The following PCDHGB1 variants were observed in gnomAD, a reference collection of about 807,000 sequenced individuals.
The protein encoded by PCDHGB1 is protocadherin gamma-B1.
Under a neutral mutation model 56.6 loss-of-function variants are expected in PCDHGB1, and 34 were observed. The ratio of observed to expected loss-of-function variants is 0.60; its 90% CI spans 0.46 to 0.80. The LOEUF is 0.80. PCDHGB1 is among the 30% of genes least tolerant of loss of function. The pLI, the probability that PCDHGB1 is intolerant of heterozygous loss-of-function variation, is 0.00. For missense variants in PCDHGB1, 1,278 were observed against 1,204.6 expected, an observed-to-expected ratio of 1.06 and a Z score of -0.90; for synonymous variants, 561 against 505.9, an observed-to-expected ratio of 1.11 and a Z score of -1.46.
intron 1 of PCDHGB1, among the ~76,000 whole-genome samples, chr5:141,464,049 G>C (rs1330340459): frequency 6.6e-6 from 1 of 152,124 alleles, no homozygotes; most frequent in Admixed American, 6.5e-5. Context: ...TGGATCACCT[G>C]AGGTCAGGAG....
intron 3 of PCDHGB1, among the ~76,000 whole-genome samples, chr5:141,506,682 C>A (rs1333272766): frequency 6.6e-6 from 1 of 152,192 alleles, no homozygotes; most frequent in East Asian, 1.9e-4. Context: ...ATATTATTAT[C>A]TTTGCTGACC....
intron 1 of PCDHGB1, chr5:141,360,518 A>T (rs764837535): frequency 3.1e-6 from 5 of 1,613,996 alleles, no homozygotes; most frequent in Non-Finnish European, 4.2e-6. Flanking sequence ...GATATAAATG[A>T]TAATACCCCG....
chr5:141,419,578 G>C (rs1339676992), intron 1 of PCDHGB1: 1 of 1,611,722 alleles, frequency 6.2e-7, no homozygotes. Flanking sequence ...ACGGCTCCGC[G>C]CTCTTCGACA....
intron 1 of PCDHGB1, chr5:141,366,318 C>T (rs767826248): frequency 8.7e-6 from 14 of 1,613,774 alleles, no homozygotes; most frequent in Non-Finnish European, 1.2e-5. Flanking sequence ...GTCACCGTTG[C>T]CGTGGCCGAC....
At chr5:141,510,525 G>A (rs545854649) in intron 3 of PCDHGB1, among the ~76,000 whole-genome samples, 1 of 152,316 alleles carries the variant, frequency 6.6e-6, no homozygotes, top group African/African-American at 2.4e-5. Context: ...ACAGCCCTGA[G>A]AGAAATACCA....
chr5:141,450,675 CG>C (rs2098689980), intron 1 of PCDHGB1, among the ~76,000 whole-genome samples: 1 of 151,614 alleles, frequency 6.6e-6, no homozygotes, highest in Non-Finnish European at 1.5e-5. Flanking sequence ...TTAGTAGAAA[CG>C]GGGTTTTGCC....
At chr5:141,421,535 G>GT (rs975619932) in intron 1 of PCDHGB1, 8 of 1,614,032 alleles carry the variant, frequency 5.0e-6, no homozygotes, top group Non-Finnish European at 6.8e-6. Flanking sequence ...GTGTCCTCCT[G>GT]TTTTTTAAAT....
At chr5:141,399,425 G>A (rs2093805755) in intron 1 of PCDHGB1, 1 of 1,613,990 alleles carries the variant, frequency 6.2e-7, no homozygotes. Context: ...TCCAGCATAA[G>A]CGTCATCCTA....
At chr5:141,417,440 T>C (rs889107076) in intron 1 of PCDHGB1, 1 of 166,232 alleles carries the variant, frequency 6.0e-6, no homozygotes, top group African/African-American at 2.4e-5. Flanking sequence ...TAAAAAGATA[T>C]GATAGTTATG....
intron 1 of PCDHGB1, chr5:141,414,898 G>T: frequency 6.2e-7 from 1 of 1,614,190 alleles, no homozygotes; most frequent in East Asian, 2.2e-5. Context: ...CCCCACAGAC[G>T]GTTCCACAGG....
At chr5:141,509,136 C>T (rs1217992935) in intron 3 of PCDHGB1, among the ~76,000 whole-genome samples, 1 of 152,142 alleles carries the variant, frequency 6.6e-6, no homozygotes, top group Non-Finnish European at 1.5e-5. Context: ...AAAACCGAGG[C>T]GCATCCCGGC....
In PCDHGB1 at chr5:141,476,258, G is replaced by A. The variant is rs1247889010; in HGVS notation, c.2410-18549G>A. 1 of 1,614,018 alleles carries A rather than the reference G, an allele frequency of 6.2e-7. No individual in the cohort carries two copies. Among genetic ancestry groups the A allele is most frequent in the South Asian group, 1.1e-5 (1 of 91,066 alleles). Reference sequence around the variant, plus strand: ...GGAAAGAGAGAAGGGTTTCGCTGTGGGCAACGTGGTCGCGAACCTTGGTTT... The same window carrying A: ...GGAAAGAGAGAAGGGTTTCGCTGTGAGCAACGTGGTCGCGAACCTTGGTTT... On this transcript the variant is annotated intron_variant, in intron 1 of 3. Coordinates refer to ENST00000523390, the MANE Select transcript of PCDHGB1 (RefSeq NM_018922.3). This position sits in a 1 kb window ranked among gnomAD's most constrained non-coding sequence, Gnocchi z 7.6.
chr5:141,372,410 A>G (rs764498768), intron 1 of PCDHGB1: 2 of 1,613,980 alleles, frequency 1.2e-6, no homozygotes, highest in African/African-American at 2.7e-5. Flanking sequence ...AAGAGATACA[A>G]CCTGACCTTA....
In PCDHGB1 at chr5:141,477,850, G is replaced by C. The variant is rs2099420608; in HGVS notation, c.2410-16957G>C. On this transcript the variant is annotated intron_variant, in intron 1 of 3. Coordinates refer to ENST00000523390, the MANE Select transcript of PCDHGB1 (RefSeq NM_018922.3). The surrounding 1 kb of genome is among the most constrained non-coding windows in gnomAD (Gnocchi z 4.9). Reference sequence around the variant, plus strand: ...CTCGGCCAGGTGGGAGCTCGGTGGAGATGCTGCCTCGAGGTACCTCAGCTG... The same window carrying C: ...CTCGGCCAGGTGGGAGCTCGGTGGACATGCTGCCTCGAGGTACCTCAGCTG... 6.2e-6 allele frequency: 10 copies of C among 1,613,328 alleles called. No individual in the cohort carries two copies. Among genetic ancestry groups the C allele is most frequent in the Non-Finnish European group, 7.6e-6 (9 of 1,179,812 alleles).
At chr5:141,366,368 A>G (rs1198628601) in intron 1 of PCDHGB1, 3 of 1,613,858 alleles carry the variant, frequency 1.9e-6, no homozygotes, top group South Asian at 2.2e-5. Context: ...CAGTATCAAG[A>G]CCCCCATTGA....
chr5:141,389,331 G>A (rs1212558688), intron 1 of PCDHGB1: 15 of 1,613,986 alleles, frequency 9.3e-6, no homozygotes, highest in Middle Eastern at 1.6e-4. Context: ...GGGGCCCAAC[G>A]GCCAAGTCTC....
chr5:141,415,536 G>A (rs1561758201), intron 1 of PCDHGB1: 1 of 1,614,150 alleles, frequency 6.2e-7, no homozygotes, highest in Non-Finnish European at 8.5e-7. Flanking sequence ...TCAGCCAGGA[G>A]AGCTGTGAGA....
At chr5:141,447,649 T>C (rs909020761) in intron 1 of PCDHGB1, among the ~76,000 whole-genome samples, 1 of 152,206 alleles carries the variant, frequency 6.6e-6, no homozygotes, top group Non-Finnish European at 1.5e-5. Context: ...TGGTAGAATT[T>C]TCCCCCCCAG....
At position 141,491,681 on chromosome 5, in the gene PCDHGB1, C is replaced by T; in HGVS notation, c.2410-3126C>T. 6.2e-6 allele frequency: 10 copies of T among 1,613,458 alleles called. No homozygotes were observed. Among genetic ancestry groups the T allele is most frequent in the Non-Finnish European group, 8.5e-6 (10 of 1,179,804 alleles). On this transcript the variant is annotated intron_variant, in intron 1 of 3. Transcript: ENST00000523390. The surrounding 1 kb of genome is among the most constrained non-coding windows in gnomAD (Gnocchi z 6.9). ...GACGCCATCCGGTCCCGCTCTAATA[C>T]GCTGCGGGAGCGGAGCCAGGTGAGG...
Sources: allele counts gnomAD v4.1 joint callset (sites outside exome capture counted in the v4.1 genomes callset), GRCh38; gene constraint gnomAD v4.1.1; non-coding constraint Gnocchi (gnomAD v3.1); transcripts MANE v1.5; gene names NCBI Gene and HGNC (gene_info 2026-07-23, HGNC 2026-07-21).